Variants in COBLL1 observed in about 807,000 individuals in gnomAD.
The protein encoded by COBLL1 is cordon-bleu WH2 repeat protein like 1, also known as cordon-bleu protein-like 1.
Under a neutral mutation model 94.8 loss-of-function variants are expected in COBLL1, and 50 were observed. The observed-to-expected ratio is 0.53, with a 90% CI of 0.42 to 0.67. COBLL1 has a LOEUF of 0.67. Among genes scored for constraint, COBLL1 ranks in the 30% least tolerant of loss-of-function variants. The probability of loss-of-function intolerance (pLI) is 0.00; values close to 1 mark genes in which losing one functional copy is unlikely to be tolerated. For synonymous variants in COBLL1, 448 were observed against 473.8 expected (o/e 0.95, Z 0.71); for missense variants, 1,362 against 1,348.7 (o/e 1.01, Z -0.15).
At chr2:164,821,781 A>C (rs2105363439) in intron 2 of COBLL1, among the ~76,000 whole-genome samples, 1 of 152,320 alleles carries the variant, frequency 6.6e-6, no homozygotes, top group Middle Eastern at 3.4e-3. Flanking sequence ...AGGGCTGAAA[A>C]ACCTGCTTTC....
At position 164,682,197 on chromosome 2, in the gene COBLL1, G is replaced by A. The variant is rs1558910494; in HGVS notation, c.*3749C>T. On this transcript the variant is annotated 3_prime_UTR_variant, in exon 14 of 14. Coordinates refer to ENST00000652658, the MANE Select transcript of COBLL1 (RefSeq NM_001365672.2). The stretch of plus-strand genomic sequence containing the variant: ...AATATGTGGATCAAATAAAAATCTT[G>A]TTGTCAACTCTGAAATAGCAAATAA... 1 of 152,098 alleles carries A rather than the reference G, an allele frequency of 6.6e-6. No individual in the cohort carries two copies. The highest frequency in any genetic ancestry group is 2.4e-5 in the African/African-American group (1 of 41,414). 9.4% of individuals were successfully genotyped at this position (152,098 alleles called of 1,614,324 possible).
At chr2:164,806,213 T>C (rs761041460) in intron 2 of COBLL1, among the ~76,000 whole-genome samples, 1 of 152,164 alleles carries the variant, frequency 6.6e-6, no homozygotes, top group Non-Finnish European at 1.5e-5. Flanking sequence ...ATTTCTTCTA[T>C]AACAGTGACT....
At chr2:164,826,634 G>A (rs1262580416) in intron 2 of COBLL1, among the ~76,000 whole-genome samples, 3 of 152,200 alleles carry the variant, frequency 2.0e-5, no homozygotes, top group African/African-American at 7.2e-5. Context: ...CACAGATGGA[G>A]GTCCAGGTCC....
chr2:164,805,331 CTCTCTCTATATATA>C lies in COBLL1; in HGVS notation c.41+35811_41+35824del, dbSNP rs1309446579. Among the ~76,000 whole-genome samples the C allele has an allele frequency of 1.2e-3, 25 of 21,300 alleles. 2 individuals carry two copies. Among genetic ancestry groups the C allele is most frequent in the Admixed American group, 3.4e-3 (4 of 1,186 alleles). The allele number at this position is 21,300 out of a possible 152,430, so 14.0% of individuals were successfully genotyped here. ...TCTCTCTCTCTCTCTCTCTCTCTCT[CTCTCTCTATATATA>C]TATATATATATATATATAAAACTAA... On this transcript the variant is annotated intron_variant, in intron 2 of 13. Transcript: ENST00000652658.
At chr2:164,764,247 A>C (rs1042385832) in intron 2 of COBLL1, among the ~76,000 whole-genome samples, 4 of 152,186 alleles carry the variant, frequency 2.6e-5, no homozygotes, top group African/African-American at 9.7e-5. Flanking sequence ...TAAAGACAAA[A>C]ACACTAAAAA....
chr2:164,666,985 G>A (rs1691170003), intron 1 of COBLL1, among the ~76,000 whole-genome samples: 1 of 151,990 alleles, frequency 6.6e-6, no homozygotes, highest in Admixed American at 6.6e-5. Flanking sequence ...CATCTAGAAT[G>A]GTGAATCTTT....
At chr2:164,733,142 C>T (rs575980420) in intron 3 of COBLL1, among the ~76,000 whole-genome samples, 67 of 152,232 alleles carry the variant, frequency 4.4e-4, no homozygotes, top group African/African-American at 1.5e-3. Flanking sequence ...TAATTTTCAT[C>T]GTTTATGTAT....
intron 2 of COBLL1, among the ~76,000 whole-genome samples, chr2:164,812,027 G>A (rs1312784245): frequency 6.6e-6 from 1 of 151,570 alleles, no homozygotes; most frequent in Non-Finnish European, 1.5e-5. Flanking sequence ...ATTCCAATTT[G>A]TAGTAACCAT....
At position 164,695,506 on chromosome 2, in the gene COBLL1, T is replaced by G. The variant is rs1683892611; in HGVS notation, c.1886A>C (p.Glu629Ala). 1 of 1,613,854 alleles carries G rather than the reference T, an allele frequency of 6.2e-7. No homozygotes were observed. Among genetic ancestry groups the G allele is most frequent in the Non-Finnish European group, 8.5e-7 (1 of 1,179,906 alleles). ...DHNLSDSKVE[E>A]CVQTSNNNIS... The stretch of plus-strand genomic sequence containing the variant: ...GTTGTTATTTGAAGTTTGCACACAT[T>G]CTTCAACTTTGGAGTCAGATAAATT... The change falls in exon 12 of 14, where the codon GAA becomes GCA. Residue 629 changes from glutamate to alanine, a missense_variant. Coordinates refer to ENST00000652658, the MANE Select transcript of COBLL1 (RefSeq NM_001365672.2).
chr2:164,670,107 G>A (rs1325623990), intron 1 of COBLL1, among the ~76,000 whole-genome samples: 1 of 152,162 alleles, frequency 6.6e-6, no homozygotes, highest in Non-Finnish European at 1.5e-5. Context: ...ATTCAGTACT[G>A]AGTGTTTTAT....
At chr2:164,679,209 G>T (rs1682931096), downstream of COBLL1, among the ~76,000 whole-genome samples, 1 of 152,098 alleles carries the variant, frequency 6.6e-6, no homozygotes, top group South Asian at 2.1e-4. Flanking sequence ...CTTCTCTAAA[G>T]CACCCTGCCT....
At chr2:164,697,997 ACTT>A (rs1684042042) in intron 11 of COBLL1, 1 of 152,120 alleles carries the variant, frequency 6.6e-6, no homozygotes, top group South Asian at 2.1e-4. Context: ...GAATAAAACT[ACTT>A]TAAGAATAAT....
At chr2:164,673,161 T>A (rs1364085329) in intron 1 of COBLL1, among the ~76,000 whole-genome samples, 2 of 152,168 alleles carry the variant, frequency 1.3e-5, no homozygotes, top group Non-Finnish European at 2.9e-5. Flanking sequence ...ACTGAAATAG[T>A]GAAATTTGTC....
rs752135961 is a variant in COBLL1 at position 164,695,205 on chromosome 2, A to G, written c.2187T>C (p.Ile729=). Residue 729 remains isoleucine (I), a synonymous_variant, in exon 12 of 14, where the codon ATT becomes ATC. Coordinates refer to ENST00000652658, the MANE Select transcript of COBLL1 (RefSeq NM_001365672.2). The part of the protein sequence containing the change: ...NEITREYIPK[I]GMTTYKIVPP... ...GCACTATTTTATAAGTAGTCATGCCAATTTTGGGTATATACTCTCGTGTAA... is the reference window on the plus strand; with the variant it reads ...GCACTATTTTATAAGTAGTCATGCCGATTTTGGGTATATACTCTCGTGTAA... 3 of 1,613,790 alleles carry G rather than the reference A, an allele frequency of 1.9e-6. No individual in the cohort carries two copies. The highest frequency in any genetic ancestry group is 2.5e-6 in the Non-Finnish European group (3 of 1,179,928).
intron 11 of COBLL1, chr2:164,697,086 T>G (rs911674322): frequency 1.3e-5 from 2 of 152,154 alleles, no homozygotes; most frequent in African/African-American, 4.8e-5. Context: ...AAGATATGCA[T>G]GCAGAAAAAT....
At chr2:164,715,621 A>T (rs560732723) in intron 7 of COBLL1, among the ~76,000 whole-genome samples, 63 of 152,230 alleles carry the variant, frequency 4.1e-4, no homozygotes, top group Admixed American at 9.8e-4. Context: ...AAACCATGAT[A>T]TATATTAGAA....
rs750508324 is a variant in COBLL1 at position 164,695,563 on chromosome 2, C to G, written c.1829G>C (p.Cys610Ser). Residue 610 changes from cysteine (C) to serine (S), a missense_variant, in exon 12 of 14, where the codon TGT (cysteine) becomes TCT (serine). Transcript: ENST00000652658. ...KDAAIQTTPS[C>S]NSFDGKHQDH... The stretch of plus-strand genomic sequence containing the variant: ...TTGGTGTTTCCCATCAAAACTGTTA[C>G]AAGAAGGGGTTGTCTGAATTGCTGC... 2 of 1,613,798 alleles carry G rather than the reference C, an allele frequency of 1.2e-6. No homozygotes were observed. Among genetic ancestry groups the G allele is most frequent in the Non-Finnish European group, 1.7e-6 (2 of 1,179,922 alleles).
At chr2:164,824,108 G>A (rs1685315924) in intron 2 of COBLL1, among the ~76,000 whole-genome samples, 1 of 152,148 alleles carries the variant, frequency 6.6e-6, no homozygotes. Flanking sequence ...AGGGCCGGGC[G>A]CAGTGGCTCA....
rs138312724 is a variant in COBLL1 at position 164,778,035 on chromosome 2, T to C, written c.42-34160A>G. On this transcript the variant is annotated intron_variant, in intron 2 of 13. Coordinates refer to ENST00000652658, the MANE Select transcript of COBLL1 (RefSeq NM_001365672.2). ...ATCTCACCACTGTTATCTGTTCCTA[T>C]GCATAATGGCCAAGAGTTGCCAACA... 3.7e-3 allele frequency among the ~76,000 whole-genome samples: 561 copies of C among 152,312 alleles called. 7 individuals carry two copies. Among genetic ancestry groups the C allele is most frequent in the African/African-American group, 0.012 (514 of 41,578 alleles).
Sources: allele counts gnomAD v4.1 joint callset (sites outside exome capture counted in the v4.1 genomes callset), GRCh38; gene constraint gnomAD v4.1.1; transcripts MANE v1.5; gene names NCBI Gene and HGNC (gene_info 2026-07-23, HGNC 2026-07-21).